RBFOX1: variants seen among roughly 807,000 people sequenced by gnomAD.
RBFOX1 encodes the protein RNA binding fox-1 homolog 1, also known as RNA binding protein fox-1 homolog 1.
RBFOX1 carries 8 observed loss-of-function variants against 57.7 expected under a neutral mutation model. That is an observed-to-expected ratio of 0.14 (90% CI 0.08 to 0.25). The LOEUF (loss-of-function observed/expected upper bound fraction) is 0.25, where lower values mean the gene tolerates loss of function less well. Ranked by LOEUF, RBFOX1 falls within the 10% of genes least tolerant of loss-of-function variation. The probability of loss-of-function intolerance (pLI) is 1.00; values close to 1 mark genes in which losing one functional copy is unlikely to be tolerated. For missense variants in RBFOX1, 611 were observed against 548.5 expected (o/e 1.11, Z -1.14); for synonymous variants, 326 against 222.4 (o/e 1.47, Z -4.15).
At chr16:7,534,766 T>A (rs895712353) in intron 5 of RBFOX1, among the ~76,000 whole-genome samples, 2 of 111,442 alleles carry the variant, frequency 1.8e-5, no homozygotes, top group Admixed American at 9.1e-5. Context: ...AAAATCCTAA[T>A]GAGCAGGATC....
chr16:5,745,764 C>T (rs376502182), intron 3 of RBFOX1, among the ~76,000 whole-genome samples: 1 of 152,110 alleles, frequency 6.6e-6, no homozygotes, highest in East Asian at 1.9e-4. Flanking sequence ...CTGTTCATAT[C>T]CTTCACCCAC....
intron 4 of RBFOX1, among the ~76,000 whole-genome samples, chr16:7,277,310 G>A (rs1603475012): frequency 1.3e-5 from 2 of 152,186 alleles, no homozygotes; most frequent in African/African-American, 4.8e-5. Context: ...TGCATCTGTG[G>A]TTACTCAGGG....
chr16:6,193,392 CTATATATATATATA>C (rs55707901), intron 1 of RBFOX1, among the ~76,000 whole-genome samples: 5 of 43,222 alleles, frequency 1.2e-4, no homozygotes, highest in African/African-American at 2.6e-4. Context: ...TATATATATA[CTATATATATATATA>C]TATATATATA....
chr16:7,215,959 G>A (rs571392075), intron 4 of RBFOX1, among the ~76,000 whole-genome samples: 1 of 152,268 alleles, frequency 6.6e-6, no homozygotes, highest in South Asian at 2.1e-4. Flanking sequence ...TCCTGACCTT[G>A]TGATCCGCAC....
chr16:7,450,631 C>A (rs951841436), intron 4 of RBFOX1, among the ~76,000 whole-genome samples: 1 of 152,020 alleles, frequency 6.6e-6, no homozygotes, highest in African/African-American at 2.4e-5. Flanking sequence ...CCTTTCCAGA[C>A]CTCTCCCCTT....
At chr16:7,050,525 C>G (rs1283536868) in intron 3 of RBFOX1, among the ~76,000 whole-genome samples, 1 of 152,128 alleles carries the variant, frequency 6.6e-6, no homozygotes, top group Admixed American at 6.5e-5. Flanking sequence ...CTTGGCCTCC[C>G]AAAGTGCTGG....
intron 2 of RBFOX1, among the ~76,000 whole-genome samples, chr16:6,326,698 C>T (rs535965815): frequency 2.6e-5 from 4 of 151,760 alleles, no homozygotes; most frequent in Admixed American, 6.5e-5. Context: ...ATAACAGAAA[C>T]GTCCGTGGCC....
chr16:7,168,772 C>T (rs373777203), intron 4 of RBFOX1, among the ~76,000 whole-genome samples: 122 of 152,238 alleles, frequency 8.0e-4, no homozygotes, highest in African/African-American at 2.6e-3. Flanking sequence ...ATAATGTACA[C>T]CATCCAAATA....
chr16:6,454,395 A>C (rs1379882629), intron 2 of RBFOX1, among the ~76,000 whole-genome samples: 2 of 152,064 alleles, frequency 1.3e-5, no homozygotes, highest in Non-Finnish European at 2.9e-5. Context: ...TATCTCTACT[A>C]AAAATACAAA....
At chr16:7,286,273 C>A (rs79620323) in intron 4 of RBFOX1, among the ~76,000 whole-genome samples, 4 of 152,014 alleles carry the variant, frequency 2.6e-5, no homozygotes, top group African/African-American at 9.7e-5. Flanking sequence ...TTGAAGGTGA[C>A]ATGAGGAAAT....
intron 2 of RBFOX1, among the ~76,000 whole-genome samples, chr16:6,542,458 C>A (rs1271623180): frequency 7.0e-6 from 1 of 143,034 alleles, no homozygotes. Flanking sequence ...ATCGCATGAT[C>A]CACTGCCCTG....
At chr16:7,078,456 T>C (rs2058641333) in intron 4 of RBFOX1, among the ~76,000 whole-genome samples, 1 of 152,126 alleles carries the variant, frequency 6.6e-6, no homozygotes, top group Admixed American at 6.5e-5. Flanking sequence ...CAAGCGGTTC[T>C]CCTACCTCAG....
chr16:7,160,078 T>C (rs1351340884), intron 4 of RBFOX1, among the ~76,000 whole-genome samples: 1 of 152,190 alleles, frequency 6.6e-6, no homozygotes, highest in African/African-American at 2.4e-5. Flanking sequence ...AAGGGACTCA[T>C]AACAGTATTA....
intron 4 of RBFOX1, among the ~76,000 whole-genome samples, chr16:7,486,304 G>GT (rs200993725): frequency 0.1 from 14,970 of 150,450 alleles, 796 homozygotes; most frequent in Non-Finnish European, 0.12. Flanking sequence ...GTTCATTTTT[G>GT]TTTTTTTTGG....
chr16:5,523,946 C>T (rs1415633228), intron 2 of RBFOX1, among the ~76,000 whole-genome samples: 2 of 152,106 alleles, frequency 1.3e-5, no homozygotes, highest in Admixed American at 6.5e-5. Flanking sequence ...TCCGCACCCT[C>T]CCCCAGCGCT....
chr16:7,205,706 G>A (rs578259430), intron 4 of RBFOX1, among the ~76,000 whole-genome samples: 10 of 152,288 alleles, frequency 6.6e-5, no homozygotes, highest in African/African-American at 1.4e-4. Flanking sequence ...TCCACCATCT[G>A]CAGTCTTTGG....
intron 1 of RBFOX1, among the ~76,000 whole-genome samples, chr16:5,447,264 G>C (rs1210628162): frequency 6.6e-6 from 1 of 152,072 alleles, no homozygotes; most frequent in Non-Finnish European, 1.5e-5. Context: ...CTGGAGTTAG[G>C]CATGAGGTCA....
chr16:7,335,374 T>A (rs1947370070), intron 4 of RBFOX1, among the ~76,000 whole-genome samples: 1 of 152,182 alleles, frequency 6.6e-6, no homozygotes, highest in Admixed American at 6.5e-5. Context: ...GTGTACTCCA[T>A]CACTGGGAGT....
chr16:7,407,049 C>T (rs184152281), intron 4 of RBFOX1, among the ~76,000 whole-genome samples: 17 of 152,244 alleles, frequency 1.1e-4, no homozygotes, highest in Admixed American at 6.5e-4. Flanking sequence ...CTCCCCATCT[C>T]GAGACCCTGA....
Sources: gnomAD v4.1 joint callset for allele counts (sites outside exome capture counted in the v4.1 genomes callset) on GRCh38, gnomAD v4.1.1 for gene constraint, MANE v1.5 for transcripts, NCBI Gene and HGNC (gene_info 2026-07-23, HGNC 2026-07-21) for gene names.